Variants in ZNF804B observed in about 807,000 individuals in gnomAD.
ZNF804B encodes the protein zinc finger 804B.
A neutral mutation model predicts 101.4 loss-of-function variants in ZNF804B; 80 were observed. The ratio of observed to expected loss-of-function variants is 0.79; its 90% CI spans 0.66 to 0.95. ZNF804B has a LOEUF of 0.95. Among genes scored for constraint, ZNF804B ranks in the 40% least tolerant of loss-of-function variants. The pLI is 0.00. For synonymous variants in ZNF804B, 622 were observed against 558.8 expected (o/e 1.11, Z -1.59); for missense variants, 1,673 against 1,561.9 (o/e 1.07, Z -1.20).
intron 1 of ZNF804B, among the ~76,000 whole-genome samples, chr7:88,975,148 T>G (rs1192928586): frequency 6.6e-6 from 1 of 151,480 alleles, no homozygotes. Flanking sequence ...ATTGGGCATA[T>G]GTACCACATT....
chr7:88,964,312 A>C (rs1181043925), intron 1 of ZNF804B, among the ~76,000 whole-genome samples: 1 of 151,550 alleles, frequency 6.6e-6, no homozygotes, highest in African/African-American at 2.4e-5. Flanking sequence ...GAATAAACAA[A>C]ATGTGGTATA....
At chr7:89,006,666 A>G (rs1584067393) in intron 1 of ZNF804B, among the ~76,000 whole-genome samples, 1 of 152,166 alleles carries the variant, frequency 6.6e-6, no homozygotes. Context: ...ATGTCAGTAC[A>G]TATTCACTTA....
intron 1 of ZNF804B, among the ~76,000 whole-genome samples, chr7:88,963,181 A>G (rs1469037091): frequency 5.3e-5 from 8 of 151,368 alleles, no homozygotes; most frequent in Non-Finnish European, 1.2e-4. Context: ...GCTAAAATTC[A>G]TACGGACTCT....
At chr7:89,091,827 C>T (rs1053144765) in intron 1 of ZNF804B, among the ~76,000 whole-genome samples, 2 of 152,130 alleles carry the variant, frequency 1.3e-5, no homozygotes, top group Non-Finnish European at 2.9e-5. Flanking sequence ...TTCTTCTCTC[C>T]TTGTCTCCAT....
At chr7:88,854,414 C>CTTTCTTTCTTTCTTCCTTTCTTTCTTT (rs1791502231) in intron 1 of ZNF804B, among the ~76,000 whole-genome samples, 3 of 57,076 alleles carry the variant, frequency 5.3e-5, no homozygotes, top group Admixed American at 2.0e-4. Context: ...TTTCTTTCTT[C>CTTTCTTTCTTTCTTCCTTTCTTTCTTT]CTTTCTTTCT....
intron 1 of ZNF804B, among the ~76,000 whole-genome samples, chr7:88,854,525 CCTTTCCTTCCTT>C (rs1791518992): frequency 5.9e-5 from 3 of 50,574 alleles, no homozygotes; most frequent in African/African-American, 3.4e-4. Context: ...TCCTTTCCTT[CCTTTCCTTCCTT>C]CCTTCCTTCC....
At chr7:89,166,566 T>C (rs1228069706) in intron 1 of ZNF804B, among the ~76,000 whole-genome samples, 1 of 152,190 alleles carries the variant, frequency 6.6e-6, no homozygotes, top group Non-Finnish European at 1.5e-5. Flanking sequence ...CAGACTTTAA[T>C]CCATGGTACA....
intron 1 of ZNF804B, among the ~76,000 whole-genome samples, chr7:88,954,560 C>CG (rs1554349344): frequency 4.6e-5 from 7 of 151,090 alleles, no homozygotes; most frequent in Admixed American, 4.6e-4. Context: ...AACATGCCCC[C>CG]CCCCCACCAC....
intron 1 of ZNF804B, among the ~76,000 whole-genome samples, chr7:88,935,670 A>C (rs940158863): frequency 6.6e-6 from 1 of 152,050 alleles, no homozygotes; most frequent in Non-Finnish European, 1.5e-5. Flanking sequence ...CCAAGATGCC[A>C]TATTTTGAGT....
chr7:89,149,154 T>C (rs906449939), intron 1 of ZNF804B, among the ~76,000 whole-genome samples: 2 of 152,088 alleles, frequency 1.3e-5, no homozygotes, highest in African/African-American at 4.8e-5. Context: ...ATGGGTCACA[T>C]CTTATTTGTC....
chr7:89,140,167 TA>T (rs1193050120), intron 1 of ZNF804B, among the ~76,000 whole-genome samples: 2 of 152,064 alleles, frequency 1.3e-5, no homozygotes, highest in East Asian at 3.9e-4. Flanking sequence ...TTTTTCTGAG[TA>T]GAAAAAAAAT....
At chr7:88,961,951 G>T (rs1793391251) in intron 1 of ZNF804B, among the ~76,000 whole-genome samples, 1 of 151,134 alleles carries the variant, frequency 6.6e-6, no homozygotes, top group South Asian at 2.1e-4. Context: ...TTAAATAGAG[G>T]CTCCTTTTAC....
chr7:89,059,093 A>G (rs1789337661), intron 1 of ZNF804B, among the ~76,000 whole-genome samples: 1 of 152,188 alleles, frequency 6.6e-6, no homozygotes, highest in Non-Finnish European at 1.5e-5. Flanking sequence ...GATGGCTATC[A>G]TAATCCCAAA....
At chr7:88,874,109 A>G (rs1162201610) in intron 1 of ZNF804B, among the ~76,000 whole-genome samples, 6 of 152,130 alleles carry the variant, frequency 3.9e-5, no homozygotes, top group African/African-American at 1.4e-4. Flanking sequence ...TGAGCATGGA[A>G]TGTTCTTCCA....
chr7:89,208,440 G>T (rs906966611), intron 1 of ZNF804B, among the ~76,000 whole-genome samples: 1 of 152,116 alleles, frequency 6.6e-6, no homozygotes, highest in Non-Finnish European at 1.5e-5. Context: ...ATAAACTTGT[G>T]CAATGTAGCA....
chr7:88,891,641 T>C (rs944838114), intron 1 of ZNF804B, among the ~76,000 whole-genome samples: 3 of 152,002 alleles, frequency 2.0e-5, no homozygotes, highest in African/African-American at 7.2e-5. Flanking sequence ...TTTTAACTTT[T>C]AGCCTTTCTT....
chr7:88,873,389 G>A (rs1449488743), intron 1 of ZNF804B, among the ~76,000 whole-genome samples: 1 of 152,138 alleles, frequency 6.6e-6, no homozygotes, highest in East Asian at 1.9e-4. Flanking sequence ...AGATGAGTAG[G>A]TTGTGAAAAT....
intron 1 of ZNF804B, among the ~76,000 whole-genome samples, chr7:89,024,522 G>T (rs1040788776): frequency 2.0e-5 from 3 of 151,158 alleles, no homozygotes; most frequent in African/African-American, 7.3e-5. Context: ...TATACATTTG[G>T]CTGTTTATTA....
At chr7:89,079,189 C>T (rs10276486) in intron 1 of ZNF804B, among the ~76,000 whole-genome samples, 2 of 151,736 alleles carry the variant, frequency 1.3e-5, no homozygotes, top group Non-Finnish European at 2.9e-5. Context: ...GATAAGATAA[C>T]ATGAGGTTCT....
Sources: gnomAD v4.1 joint callset for allele counts (sites outside exome capture counted in the v4.1 genomes callset) on GRCh38, gnomAD v4.1.1 for gene constraint, MANE v1.5 for transcripts, NCBI Gene and HGNC (gene_info 2026-07-23, HGNC 2026-07-21) for gene names.